GPR158: variants seen among roughly 807,000 people sequenced by gnomAD.
GPR158 encodes G protein-coupled receptor 158, also known as metabotropic glycine receptor.
Under a neutral mutation model 78.2 loss-of-function variants are expected in GPR158, and 30 were observed. The ratio of observed to expected loss-of-function variants is 0.38; its 90% CI spans 0.29 to 0.52. The LOEUF is 0.52. Among genes scored for constraint, GPR158 ranks in the 20% least tolerant of loss-of-function variants. The pLI is 0.83. For synonymous variants in GPR158, 581 were observed against 591.1 expected (o/e 0.98, Z 0.25); for missense variants, 1,463 against 1,523.5 (o/e 0.96, Z 0.66).
chr10:25,347,923 T>G (rs2130514768), intron 2 of GPR158, among the ~76,000 whole-genome samples: 1 of 152,052 alleles, frequency 6.6e-6, no homozygotes, highest in African/African-American at 2.4e-5. Flanking sequence ...CTCCATCATG[T>G]TGCCTCCACC....
At chr10:25,473,796 T>C (rs576244247) in intron 5 of GPR158, among the ~76,000 whole-genome samples, 2 of 152,224 alleles carry the variant, frequency 1.3e-5, no homozygotes, top group South Asian at 4.2e-4. Flanking sequence ...ATTACCTTTC[T>C]TCTCACTTTC....
At chr10:25,241,748 ACT>A (rs1853632522) in intron 2 of GPR158, among the ~76,000 whole-genome samples, 1 of 151,928 alleles carries the variant, frequency 6.6e-6, no homozygotes, top group South Asian at 2.1e-4. Context: ...GAATAAGATA[ACT>A]CTATTCTACT....
At chr10:25,374,223 C>T (rs1834044018) in intron 2 of GPR158, among the ~76,000 whole-genome samples, 1 of 151,172 alleles carries the variant, frequency 6.6e-6, no homozygotes, top group Non-Finnish European at 1.5e-5. Context: ...TACAGGCTTT[C>T]TTTTTGTTAT....
chr10:25,235,468 G>T, intron 2 of GPR158, among the ~76,000 whole-genome samples: 1 of 146,214 alleles, frequency 6.8e-6, no homozygotes. Context: ...AAATCTATCT[G>T]CTCTTAGCTT....
chr10:25,212,995 G>A (rs1853156310), intron 1 of GPR158, among the ~76,000 whole-genome samples: 1 of 152,086 alleles, frequency 6.6e-6, no homozygotes, highest in South Asian at 2.1e-4. Flanking sequence ...GGAGATTGTT[G>A]TAGAGAAATG....
chr10:25,532,620 A>G (rs867548255), intron 5 of GPR158, among the ~76,000 whole-genome samples: 1 of 152,054 alleles, frequency 6.6e-6, no homozygotes, highest in African/African-American at 2.4e-5. Context: ...TCTGATCCCC[A>G]GTGTGTAGAA....
intron 5 of GPR158, among the ~76,000 whole-genome samples, chr10:25,540,755 A>G (rs1265693573): frequency 1.3e-5 from 2 of 151,656 alleles, no homozygotes; most frequent in Non-Finnish European, 2.9e-5. Context: ...GAACACTTGG[A>G]CACAGGAAGG....
At chr10:25,526,103 TAAAAAAAAA>T (rs4017850) in intron 5 of GPR158, among the ~76,000 whole-genome samples, 11 of 69,204 alleles carry the variant, frequency 1.6e-4, no homozygotes, top group Middle Eastern at 0.011. Context: ...CAATTTTGTC[TAAAAAAAAA>T]AAAAAAAAAA....
chr10:25,498,101 G>A (rs751426881), intron 5 of GPR158, among the ~76,000 whole-genome samples: 1 of 152,158 alleles, frequency 6.6e-6, no homozygotes, highest in Non-Finnish European at 1.5e-5. Flanking sequence ...TATATTGTAC[G>A]CAGAAAAGTG....
At chr10:25,487,927 GAGAT>G (rs1272379818) in intron 5 of GPR158, among the ~76,000 whole-genome samples, 4 of 152,070 alleles carry the variant, frequency 2.6e-5, no homozygotes, top group Non-Finnish European at 5.9e-5. Context: ...AAAAATTAAA[GAGAT>G]AGCACATAAT....
intron 5 of GPR158, among the ~76,000 whole-genome samples, chr10:25,535,276 AT>A (rs1564482562): frequency 6.6e-6 from 1 of 152,262 alleles, no homozygotes; most frequent in East Asian, 1.9e-4. Context: ...ACAGATTAAC[AT>A]TGAAAGAATG....
intron 4 of GPR158, among the ~76,000 whole-genome samples, chr10:25,462,335 A>G (rs983048243): frequency 6.6e-6 from 1 of 152,212 alleles, no homozygotes; most frequent in Non-Finnish European, 1.5e-5. Context: ...TCAAAATATT[A>G]CTGCTCATTG....
intron 3 of GPR158, among the ~76,000 whole-genome samples, chr10:25,405,498 CTTTTTTTTTTTTTTTTTTT>C (rs59695469): frequency 4.4e-5 from 2 of 45,522 alleles, no homozygotes; most frequent in Non-Finnish European, 8.6e-5. Flanking sequence ...AAACAATTTC[CTTTTTTTTTTTTTTTTTTT>C]TTTTTTTTTT....
chr10:25,493,938 G>T (rs116054473), intron 5 of GPR158, among the ~76,000 whole-genome samples: 3,366 of 152,274 alleles, frequency 0.022, 139 homozygotes, highest in African/African-American at 0.077. Flanking sequence ...GCTGCTTAGG[G>T]TGTTTAAATC....
At chr10:25,525,842 C>G (rs1324119150) in intron 5 of GPR158, among the ~76,000 whole-genome samples, 5 of 152,116 alleles carry the variant, frequency 3.3e-5, no homozygotes, top group East Asian at 1.9e-4. Flanking sequence ...CACGGTGGCT[C>G]TCTTCTGTAA....
At chr10:25,549,251 A>G (rs1255394344) in intron 5 of GPR158, among the ~76,000 whole-genome samples, 2 of 152,108 alleles carry the variant, frequency 1.3e-5, no homozygotes, top group Non-Finnish European at 2.9e-5. Flanking sequence ...TCTTCTGTCA[A>G]GGTTTCTCCA....
chr10:25,579,733 G>A (rs938503722), intron 7 of GPR158, among the ~76,000 whole-genome samples: 19 of 152,314 alleles, frequency 1.2e-4, no homozygotes, highest in African/African-American at 4.3e-4. Context: ...CCAGGCAAGC[G>A]CTGAGCTGTT....
intron 2 of GPR158, among the ~76,000 whole-genome samples, chr10:25,337,260 C>G (rs1232058818): frequency 6.6e-6 from 1 of 152,082 alleles, no homozygotes; most frequent in East Asian, 1.9e-4. Context: ...AAACCACCAT[C>G]CAGATCAACA....
At position 25,551,154 on chromosome 10, in the gene GPR158, A is replaced by T. The variant is rs1487649282; in HGVS notation, c.1514+69A>T. 4.5e-6 allele frequency: 4 copies of T among 888,540 alleles called. No individual in the cohort carries two copies. In the African/African-American group the frequency reaches 6.5e-5, roughly 15 times the overall value. The allele number at this position is 888,540 out of a possible 1,614,324, so 55.0% of individuals were successfully genotyped here. On this transcript the variant is annotated intron_variant, in intron 6 of 10. Coordinates refer to ENST00000376351, the MANE Select transcript of GPR158 (RefSeq NM_020752.3). ...CTAATCAGCTTGGCACATAATTGTT[A>T]GCTGGGCTGACCACTTAAATGGCTC...
Sources: gnomAD v4.1 joint callset for allele counts (sites outside exome capture counted in the v4.1 genomes callset) on GRCh38, gnomAD v4.1.1 for gene constraint, MANE v1.5 for transcripts, NCBI Gene and HGNC (gene_info 2026-07-23, HGNC 2026-07-21) for gene names.